TTC28: variants seen among roughly 807,000 people sequenced by gnomAD.
TTC28 encodes the protein tetratricopeptide repeat domain 28.
Under a neutral mutation model 198.0 loss-of-function variants are expected in TTC28, and 61 were observed. That is an observed-to-expected ratio of 0.31 (90% CI 0.25 to 0.38). TTC28 has a LOEUF of 0.38. Among genes scored for constraint, TTC28 ranks in the 10% least tolerant of loss-of-function variants. The probability of loss-of-function intolerance (pLI) is 1.00; values close to 1 mark genes in which losing one functional copy is unlikely to be tolerated. For missense variants in TTC28, 2,678 were observed against 3,164.0 expected, an observed-to-expected ratio of 0.85 and a Z score of 3.69; for synonymous variants, 1,171 against 1,297.8, an observed-to-expected ratio of 0.90 and a Z score of 2.10.
At chr22:28,281,674 C>T (rs1237822601) in intron 5 of TTC28, among the ~76,000 whole-genome samples, 3 of 152,186 alleles carry the variant, frequency 2.0e-5, no homozygotes, top group Non-Finnish European at 2.9e-5. Context: ...GTGAATGATA[C>T]ACTGTATACA....
chr22:28,479,845 C>T (rs1170573360), intron 2 of TTC28, among the ~76,000 whole-genome samples: 1 of 152,118 alleles, frequency 6.6e-6, no homozygotes, highest in East Asian at 1.9e-4. Context: ...TCTGTTCCAC[C>T]ACACTTATTC....
intron 1 of TTC28, among the ~76,000 whole-genome samples, chr22:28,656,397 G>T (rs1270038371): frequency 6.6e-6 from 1 of 152,156 alleles, no homozygotes; most frequent in Non-Finnish European, 1.5e-5. Context: ...AGGCCATGAC[G>T]AGGATACGAG....
At position 27,982,658 on chromosome 22, in the gene TTC28, C is replaced by T; in HGVS notation, c.7009G>A (p.Ala2337Thr). 3.2e-6 allele frequency: 5 copies of T among 1,551,706 alleles called. No homozygotes were observed. The highest frequency in any genetic ancestry group is 4.4e-6 in the Non-Finnish European group (5 of 1,147,002). Residue 2337 changes from alanine to threonine, a missense_variant, in exon 23 of 23, where the codon GCA becomes ACA. This residue lies in a region of TTC28 where 622 missense variants were observed against 656.0 expected (regional missense o/e 0.95). Coordinates refer to ENST00000397906, the MANE Select transcript of TTC28 (RefSeq NM_001145418.2). The surrounding 1 kb of genome is among the most constrained non-coding windows in gnomAD (Gnocchi z 5.2). ...SSAGSARSSP[A>T]DAPDIDKLKM... ...AGTTTGTCTATGTCGGGAGCGTCTG[C>T]TGGACTTGAGCGAGCAGATCCAGCT... is the stretch of plus-strand genomic sequence containing the variant.
At chr22:28,345,206 C>T (rs1398108141) in intron 2 of TTC28, among the ~76,000 whole-genome samples, 1 of 152,088 alleles carries the variant, frequency 6.6e-6, no homozygotes, top group African/African-American at 2.4e-5. Flanking sequence ...AAAAGAAAAT[C>T]CCACAACAGC....
At chr22:28,368,476 G>C (rs2046281860) in intron 2 of TTC28, among the ~76,000 whole-genome samples, 1 of 152,062 alleles carries the variant, frequency 6.6e-6, no homozygotes, top group African/African-American at 2.4e-5. Context: ...TTTCCTCTAA[G>C]ATGTAGAACA....
chr22:28,064,928 A>C (rs1203481942), intron 12 of TTC28, among the ~76,000 whole-genome samples: 1 of 152,250 alleles, frequency 6.6e-6, no homozygotes, highest in Non-Finnish European at 1.5e-5. Context: ...ACCATGTGCA[A>C]GTATCACTTA....
intron 15 of TTC28, chr22:28,001,087 G>A: frequency 3.3e-6 from 1 of 302,702 alleles, no homozygotes; most frequent in South Asian, 6.0e-5. Flanking sequence ...GCCTTGCTGT[G>A]TACCTCAGAG....
intron 13 of TTC28, among the ~76,000 whole-genome samples, chr22:28,024,845 AGTGAG>A (rs1355226506): frequency 6.6e-6 from 1 of 152,226 alleles, no homozygotes; most frequent in Non-Finnish European, 1.5e-5. Context: ...GAATAGTCAC[AGTGAG>A]GTGAGTATGG....
At chr22:28,283,686 T>G in intron 5 of TTC28, among the ~76,000 whole-genome samples, 1 of 151,950 alleles carries the variant, frequency 6.6e-6, no homozygotes, top group Admixed American at 6.6e-5. Flanking sequence ...TTTAAAAGAT[T>G]TTTCATGTGA....
At position 27,983,724 on chromosome 22, in the gene TTC28, A is replaced by C. The variant is rs1013120638; in HGVS notation, c.5943T>G (p.Gly1981=). 6.4e-7 allele frequency: 1 copy of C among 1,551,380 alleles called. No individual in the cohort carries two copies. Among genetic ancestry groups the C allele is most frequent in the African/African-American group, 1.4e-5 (1 of 73,002 alleles). ...TGGCATCTGAGGCGATGCTGTCCGC[A>C]CCGGTGGGAGAGAAGGGGGGTTGCT... The part of the protein sequence containing the change: ...GYQQPPFSPT[G]ADSIASDAIS... Residue 1981 remains glycine (G), a synonymous_variant, in exon 23 of 23, where the codon GGT becomes GGG. Transcript: ENST00000397906.
intron 2 of TTC28, among the ~76,000 whole-genome samples, chr22:28,524,481 T>A (rs1164934939): frequency 1.4e-5 from 2 of 147,836 alleles, no homozygotes; most frequent in Admixed American, 1.3e-4. Context: ...AAAAAAAATA[T>A]TCAACGGTAT....
intron 2 of TTC28, among the ~76,000 whole-genome samples, chr22:28,309,547 C>T (rs1185295199): frequency 6.6e-6 from 1 of 152,208 alleles, no homozygotes; most frequent in Non-Finnish European, 1.5e-5. Context: ...CTGCCAATAG[C>T]CTATCTGCTT....
intron 2 of TTC28, among the ~76,000 whole-genome samples, chr22:28,324,347 A>G (rs1024348306): frequency 2.0e-5 from 3 of 152,052 alleles, no homozygotes; most frequent in Non-Finnish European, 2.9e-5. Flanking sequence ...AAACTATTCC[A>G]AACAACAGAA....
chr22:28,220,816 G>A (rs1927796501), intron 5 of TTC28, among the ~76,000 whole-genome samples: 2 of 152,182 alleles, frequency 1.3e-5, no homozygotes, highest in Non-Finnish European at 2.9e-5. Flanking sequence ...CACGTTAAGA[G>A]TATGTTTGCC....
intron 12 of TTC28, among the ~76,000 whole-genome samples, chr22:28,057,791 C>T (rs911204797): frequency 1.3e-5 from 2 of 152,028 alleles, no homozygotes; most frequent in African/African-American, 4.8e-5. Flanking sequence ...AGGTAAGGTT[C>T]AAGATTGTTT....
intron 2 of TTC28, among the ~76,000 whole-genome samples, chr22:28,582,042 G>C (rs978355473): frequency 6.6e-6 from 1 of 151,426 alleles, no homozygotes; most frequent in Non-Finnish European, 1.5e-5. Flanking sequence ...ATAATTTTAT[G>C]ACCTATAAAG....
intron 2 of TTC28, among the ~76,000 whole-genome samples, chr22:28,529,343 G>A (rs1429479613): frequency 2.0e-5 from 3 of 152,234 alleles, no homozygotes; most frequent in Admixed American, 6.5e-5. Context: ...CTGCAAGGCA[G>A]CAGCGAGGCT....
chr22:28,440,079 G>A (rs1232704447), intron 2 of TTC28, among the ~76,000 whole-genome samples: 2 of 152,176 alleles, frequency 1.3e-5, no homozygotes, highest in African/African-American at 2.4e-5. Context: ...CAGGTCATCC[G>A]CTCGCCTCGG....
intron 5 of TTC28, among the ~76,000 whole-genome samples, chr22:28,291,208 T>TA (rs1006007739): frequency 7.3e-5 from 11 of 150,192 alleles, no homozygotes; most frequent in South Asian, 2.1e-4. Context: ...TCCTAGACAT[T>TA]AAAAAAAAAG....
Sources: gnomAD v4.1 joint callset for allele counts (sites outside exome capture counted in the v4.1 genomes callset) on GRCh38, gnomAD v4.1.1 for gene constraint, gnomAD v4.1.1 regional missense constraint, Gnocchi (gnomAD v3.1) non-coding constraint, MANE v1.5 for transcripts, NCBI Gene and HGNC (gene_info 2026-07-23, HGNC 2026-07-21) for gene names.